The following PNPT1 variants were observed in gnomAD, a reference collection of about 807,000 sequenced individuals.
PNPT1 encodes the protein polyribonucleotide nucleotidyltransferase 1, also known as polyribonucleotide nucleotidyltransferase 1, mitochondrial.
PNPT1 carries 53 observed loss-of-function variants against 119.5 expected under a neutral mutation model. That is an observed-to-expected ratio of 0.44 (90% CI 0.36 to 0.56). The LOEUF (loss-of-function observed/expected upper bound fraction) is 0.56. PNPT1 is among the 20% of genes least tolerant of loss of function. The pLI is 0.00. For synonymous variants in PNPT1, 357 were observed against 322.1 expected, an observed-to-expected ratio of 1.11 and a Z score of -1.16; for missense variants, 948 against 938.5, an observed-to-expected ratio of 1.01 and a Z score of -0.13.
intron 5 of PNPT1, 45 bp from the exon 6 acceptor site, chr2:55,680,963 G>A (rs1303781762): frequency 6.7e-7 from 1 of 1,487,922 alleles, no homozygotes; most frequent in African/African-American, 1.4e-5. Flanking sequence ...TATCATTTAG[G>A]TTAACATCCT....
intron 8 of PNPT1, among the ~76,000 whole-genome samples, chr2:55,677,708 C>T (rs995978306): frequency 1.3e-5 from 2 of 149,214 alleles, no homozygotes; most frequent in African/African-American, 4.9e-5. Flanking sequence ...GACCAATTAG[C>T]AGCAGGTTTA....
chr2:55,649,517 A>G (rs556983367), intron 18 of PNPT1, among the ~76,000 whole-genome samples: 3 of 152,148 alleles, frequency 2.0e-5, no homozygotes, highest in Non-Finnish European at 2.9e-5. Context: ...GTCTGAGTCC[A>G]TATCATTTCT....
intron 12 of PNPT1, 132 bp from the exon 13 acceptor site, chr2:55,667,225 G>A: frequency 1.6e-6 from 1 of 644,386 alleles, no homozygotes; most frequent in Non-Finnish European, 2.7e-6. Context: ...AAAAATAATA[G>A]ATACTTGAGC....
intron 1 of PNPT1, among the ~76,000 whole-genome samples, chr2:55,690,537 A>C (rs1288476917): frequency 6.6e-6 from 1 of 152,228 alleles, no homozygotes; most frequent in African/African-American, 2.4e-5. Context: ...TCACCTGTTA[A>C]ATACCTTTGC....
rs572141257 is a variant in PNPT1 at position 55,683,404 on chromosome 2, G to A, written c.453+381C>T. On this transcript the variant is annotated intron_variant, in intron 5 of 27. Transcript: ENST00000447944. The stretch of plus-strand genomic sequence containing the variant: ...CCGAGGGGGGCGGATCACAAGGTCA[G>A]GAGTTCAAGACCAGCCTGACCAACA... Among the ~76,000 whole-genome samples the A allele has an allele frequency of 9.2e-5, 14 of 152,240 alleles. No individual in the cohort carries two copies. The East Asian group carries it at 2.5e-3, about 27-fold the overall frequency.
Position 55,693,170 on chromosome 2 carries a change from C to T in PNPT1, c.161+493G>A, listed in dbSNP as rs13424307. Among the ~76,000 whole-genome samples the T allele has an allele frequency of 2.1e-3, 315 of 152,304 alleles. 5 individuals carry two copies. The highest frequency in any genetic ancestry group is 6.8e-3 in the African/African-American group (282 of 41,558). ...TGTTCAACTTCTACAAGGTAGGCTC[C>T]TGGTGAAGAGGAGGCTGAAGGAGCC... On this transcript the variant is annotated intron_variant, in intron 1 of 27. Transcript: ENST00000447944.
rs541024263 is a variant in PNPT1, at chr2:55,661,494, C to T, written c.1247+462G>A. On this transcript the variant is annotated intron_variant, in intron 14 of 27. Transcript: ENST00000447944. ...GATTTTACTGTTGACTTTTTAGGGGCAGAGGAGGACAGCCAAGTATTTCTG... is the reference window on the plus strand; with the variant it reads ...GATTTTACTGTTGACTTTTTAGGGGTAGAGGAGGACAGCCAAGTATTTCTG... Among the ~76,000 whole-genome samples, 18 of 152,238 alleles carry T rather than the reference C, an allele frequency of 1.2e-4. No homozygotes were observed. In the South Asian group the frequency reaches 3.7e-3, roughly 32 times the overall value.
rs190489113 is a variant in PNPT1, at chr2:55,668,518, G to A, written c.977-560C>T. ...CTCGCAAAGTGCTAGGATTACAGGC[G>A]TGAGCCAATGCGCCCGGCCCATCAG... is the stretch of plus-strand genomic sequence containing the variant. On this transcript the variant is annotated intron_variant, in intron 11 of 27. Coordinates refer to ENST00000447944, the MANE Select transcript of PNPT1 (RefSeq NM_033109.5). 7.4e-4 allele frequency among the ~76,000 whole-genome samples: 113 copies of A among 152,242 alleles called. 2 individuals carry two copies. In the East Asian group the frequency reaches 0.021, roughly 28 times the overall value.
intron 1 of PNPT1, 46 bp downstream of exon 1, chr2:55,693,617 G>A: frequency 1.2e-6 from 2 of 1,603,496 alleles, no homozygotes; most frequent in Non-Finnish European, 1.7e-6. Context: ...AAGCTGGCTG[G>A]ACAAGACACC....
At chr2:55,648,482 T>C (rs1696074866) in intron 18 of PNPT1, among the ~76,000 whole-genome samples, 1 of 152,234 alleles carries the variant, frequency 6.6e-6, no homozygotes, top group Non-Finnish European at 1.5e-5. Flanking sequence ...TGCTACTCTA[T>C]ATTCTTATTA....
Position 55,643,178 on chromosome 2 carries a change from G to A in PNPT1, c.2049C>T (p.Thr683=), listed in dbSNP as rs376094443. 2.5e-5 allele frequency: 41 copies of A among 1,613,870 alleles called. No homozygotes were observed. Among genetic ancestry groups the A allele is most frequent in the Non-Finnish European group, 3.1e-5 (37 of 1,179,984 alleles). The stretch of plus-strand genomic sequence containing the variant: ...ATTACCTGATTTCAGTTATTGTGGC[G>A]GTATATACTGCTCCAAATTCTAATT... ...EQQLEFGAVY[T]ATITEIRDTG... The change falls in exon 25 of 28, where the codon ACC becomes ACT. Residue 683 remains threonine (T), a synonymous_variant. Transcript: ENST00000447944.
chr2:55,645,470 A>G, intron 21 of PNPT1, 38 bp from the exon 22 acceptor site: 1 of 1,333,710 alleles, frequency 7.5e-7, no homozygotes, highest in Middle Eastern at 1.8e-4. Flanking sequence ...ACTACATAAA[A>G]CAAATATGAT....
At chr2:55,661,091 C>CTTTTTTTTTTTTTTTTTTTT (rs1171064705) in intron 14 of PNPT1, among the ~76,000 whole-genome samples, 1 of 71,598 alleles carries the variant, frequency 1.4e-5, no homozygotes, top group Non-Finnish European at 2.5e-5. Flanking sequence ...AATAGAGATT[C>CTTTTTTTTTTTTTTTTTTTT]TTTTTTTTTT....
intron 5 of PNPT1, among the ~76,000 whole-genome samples, chr2:55,681,197 A>C (rs1415009837): frequency 6.6e-6 from 1 of 151,006 alleles, no homozygotes; most frequent in East Asian, 2.0e-4. Flanking sequence ...ACCTGAGGTC[A>C]AGAGTTTGAG....
chr2:55,637,468 CTCTT>C, intron 27 of PNPT1, 80 bp downstream of exon 27: 1 of 1,271,994 alleles, frequency 7.9e-7, no homozygotes, highest in Non-Finnish European at 1.1e-6. Context: ...TAGATGGTGA[CTCTT>C]CTTTCAACTT....
intron 1 of PNPT1, among the ~76,000 whole-genome samples, chr2:55,688,825 G>A (rs1447979495): frequency 6.6e-6 from 1 of 152,098 alleles, no homozygotes; most frequent in African/African-American, 2.4e-5. Flanking sequence ...CCTAAATATT[G>A]CCTATAAGGA....
At chr2:55,668,390 C>T (rs1483126425) in intron 11 of PNPT1, among the ~76,000 whole-genome samples, 1 of 151,462 alleles carries the variant, frequency 6.6e-6, no homozygotes, top group Non-Finnish European at 1.5e-5. Flanking sequence ...GCGTGTACCA[C>T]CATGCCTGGC....
At chr2:55,677,923 A>G (rs896224490) in intron 8 of PNPT1, among the ~76,000 whole-genome samples, 1 of 151,854 alleles carries the variant, frequency 6.6e-6, no homozygotes, top group Admixed American at 6.6e-5. Context: ...TTGTATTTTT[A>G]GTAGAGACAG....
At position 55,646,509 on chromosome 2, in the gene PNPT1, G is replaced by A. The variant is rs544680155; in HGVS notation, c.1603-23C>T. 6.7e-5 allele frequency: 105 copies of A among 1,576,332 alleles called. 2 individuals carry two copies. In the South Asian group the frequency reaches 1.2e-3, roughly 18 times the overall value. ...TCCCTTCAGGAATTTAAAAAGTTAT[G>A]ACATAGTTTTAAACAAAAACAAAAG... On this transcript the variant is annotated intron_variant, in intron 19 of 27. Transcript: ENST00000447944.
Sources: allele counts gnomAD v4.1 joint callset (sites outside exome capture counted in the v4.1 genomes callset), GRCh38; gene constraint gnomAD v4.1.1; transcripts MANE v1.5; gene names NCBI Gene and HGNC (gene_info 2026-07-23, HGNC 2026-07-21).